Variants in CAMK4 observed in about 807,000 individuals in gnomAD.
The protein encoded by CAMK4 is calcium/calmodulin dependent protein kinase IV, also known as calcium/calmodulin-dependent protein kinase type IV.
Under a neutral mutation model 44.9 loss-of-function variants are expected in CAMK4, and 22 were observed. The ratio of observed to expected loss-of-function variants is 0.49; its 90% confidence interval spans 0.35 to 0.70. The LOEUF is 0.70. Ranked by LOEUF, CAMK4 falls within the 30% of genes least tolerant of loss-of-function variation. The pLI is 0.01. For synonymous variants in CAMK4, 218 were observed against 215.4 expected, an observed-to-expected ratio of 1.01 and a Z score of -0.11; for missense variants, 498 against 586.8, an observed-to-expected ratio of 0.85 and a Z score of 1.56.
Position 111,224,574 on chromosome 5 carries a change from G to C in CAMK4, c.91G>C (p.Asp31His), listed in dbSNP as rs1258844386. Residue 31 changes from aspartate to histidine, a missense_variant, in exon 1 of 11, where the codon GAT becomes CAT. Asp to His is a moderately conservative substitution (Grantham distance 81). This residue lies in a region of CAMK4 where 152 missense variants were observed against 143.7 expected (regional missense o/e 1.06). Coordinates refer to ENST00000282356, the MANE Select transcript of CAMK4 (RefSeq NM_001744.6). This position sits in a 1 kb window ranked among gnomAD's most constrained non-coding sequence, Gnocchi z 5.7. ...AAPGTASLVPDYWIDGSNRDA... is the reference protein window; with the variant it reads ...AAPGTASLVPHYWIDGSNRDA... ...CCCGGGGACCGCGAGCCTCGTCCCG[G>C]ATTACTGGATCGACGGCTCCAACAG... The C allele has an allele frequency of 1.2e-6, 2 of 1,612,374 alleles. No individual in the cohort carries two copies. Among genetic ancestry groups the C allele is most frequent in the African/African-American group, 1.3e-5 (1 of 74,802 alleles).
intron 1 of CAMK4, among the ~76,000 whole-genome samples, chr5:111,334,129 T>C (rs923302643): frequency 2.0e-5 from 3 of 151,590 alleles, no homozygotes; most frequent in Admixed American, 6.6e-5. Flanking sequence ...GTATCATTAG[T>C]ATCATTCCTT....
At chr5:111,395,004 T>A (rs1386218947) in intron 5 of CAMK4, among the ~76,000 whole-genome samples, 3 of 151,462 alleles carry the variant, frequency 2.0e-5, no homozygotes, top group Non-Finnish European at 4.4e-5. Flanking sequence ...AGGTCAGGAG[T>A]TCCAGACCAG....
At chr5:111,343,965 T>C in intron 1 of CAMK4, 59 bp from the exon 2 acceptor site, 1 of 994,542 alleles carries the variant, frequency 1.0e-6, no homozygotes, top group Non-Finnish European at 1.6e-6. Flanking sequence ...TTTTCAAGCT[T>C]TCCCCTTTAA....
intron 1 of CAMK4, among the ~76,000 whole-genome samples, chr5:111,275,688 T>A (rs1449226619): frequency 1.3e-5 from 2 of 152,096 alleles, no homozygotes; most frequent in African/African-American, 4.8e-5. Context: ...TATGGTTAGA[T>A]AGAAGGAAAA....
chr5:111,480,801 T>C (rs1337278508), intron 9 of CAMK4, among the ~76,000 whole-genome samples: 9 of 152,192 alleles, frequency 5.9e-5, no homozygotes, highest in African/African-American at 1.9e-4. Context: ...AGTAATCTTA[T>C]TTAGCCCTCC....
intron 5 of CAMK4, among the ~76,000 whole-genome samples, chr5:111,433,887 T>C (rs952880805): frequency 1.3e-5 from 2 of 152,158 alleles, no homozygotes; most frequent in African/African-American, 4.8e-5. Context: ...CTTAAGCTTA[T>C]AGCTAGTGAT....
At chr5:111,233,044 A>C (rs1748549771) in intron 1 of CAMK4, among the ~76,000 whole-genome samples, 1 of 152,248 alleles carries the variant, frequency 6.6e-6, no homozygotes, top group Admixed American at 6.5e-5. Flanking sequence ...TATAATTTTC[A>C]CATCACAAAA....
At chr5:111,473,428 G>C (rs1320359537) in intron 8 of CAMK4, 42 bp downstream of exon 8, 1 of 1,283,542 alleles carries the variant, frequency 7.8e-7, no homozygotes, top group African/African-American at 1.5e-5. Flanking sequence ...TATTTACCTT[G>C]CTGTGACATT....
intron 1 of CAMK4, among the ~76,000 whole-genome samples, chr5:111,272,397 T>C (rs931481380): frequency 9.9e-5 from 15 of 152,092 alleles, no homozygotes; most frequent in African/African-American, 3.6e-4. Flanking sequence ...CATTTTAATA[T>C]ATATATAAAG....
At chr5:111,403,209 A>G (rs1173419159) in intron 5 of CAMK4, among the ~76,000 whole-genome samples, 1 of 152,180 alleles carries the variant, frequency 6.6e-6, no homozygotes, top group East Asian at 1.9e-4. Context: ...TGAAGGGACA[A>G]TGAAGTTTAA....
At chr5:111,229,308 C>CAG (rs1748349323) in intron 1 of CAMK4, among the ~76,000 whole-genome samples, 2 of 152,160 alleles carry the variant, frequency 1.3e-5, no homozygotes, top group Admixed American at 1.3e-4. Flanking sequence ...CGTCACAAGG[C>CAG]AGAGAGGAAG....
chr5:111,279,447 T>C (rs1348989195), intron 1 of CAMK4, among the ~76,000 whole-genome samples: 1 of 152,178 alleles, frequency 6.6e-6, no homozygotes, highest in Non-Finnish European at 1.5e-5. Flanking sequence ...AGATGCTACA[T>C]ACTCAAAGAT....
intron 5 of CAMK4, among the ~76,000 whole-genome samples, chr5:111,435,140 T>C (rs1485770072): frequency 1.3e-5 from 2 of 152,218 alleles, no homozygotes; most frequent in Non-Finnish European, 2.9e-5. Flanking sequence ...TTTTGGTTAT[T>C]GCATTTTTTT....
chr5:111,455,384 T>C (rs1282560978), intron 7 of CAMK4, among the ~76,000 whole-genome samples: 2 of 152,140 alleles, frequency 1.3e-5, no homozygotes, highest in African/African-American at 4.8e-5. Flanking sequence ...ACCAATTAAT[T>C]CTGTCATAAT....
At chr5:111,404,432 A>G (rs541748020) in intron 5 of CAMK4, among the ~76,000 whole-genome samples, 42 of 152,288 alleles carry the variant, frequency 2.8e-4, no homozygotes, top group African/African-American at 1.0e-3. Context: ...GGGTCAGTTA[A>G]TCAGTGCCTA....
intron 5 of CAMK4, among the ~76,000 whole-genome samples, chr5:111,441,004 TG>T (rs1169440522): frequency 1.3e-5 from 2 of 152,160 alleles, no homozygotes; most frequent in Non-Finnish European, 2.9e-5. Flanking sequence ...ATCTGCAAAG[TG>T]GGCGTTGCAG....
At chr5:111,293,872 G>A (rs1037765788) in intron 1 of CAMK4, among the ~76,000 whole-genome samples, 2 of 145,934 alleles carry the variant, frequency 1.4e-5, no homozygotes, top group Non-Finnish European at 3.0e-5. Flanking sequence ...TCAGCCTCCC[G>A]AGTAGCTGGG....
rs369924993 is a variant in CAMK4, at chr5:111,449,212, T to C, written c.625+9T>C. On this transcript the variant is annotated intron_variant, in intron 7 of 10. Transcript: ENST00000282356. ...AACCCCAGGGTACTGCGGTATGCTC[T>C]TTAATAATTATATTTTACTTTTATT... 39 of 1,277,072 alleles carry C rather than the reference T, an allele frequency of 3.1e-5. No individual in the cohort carries two copies. The highest frequency in any genetic ancestry group is 2.3e-5 in the Non-Finnish European group (21 of 908,026). 79.1% of individuals were successfully genotyped at this position (1,277,072 alleles called of 1,614,324 possible).
At chr5:111,237,512 C>G (rs1325763420) in intron 1 of CAMK4, among the ~76,000 whole-genome samples, 1 of 152,178 alleles carries the variant, frequency 6.6e-6, no homozygotes, top group Non-Finnish European at 1.5e-5. Context: ...TTTGTGCTTT[C>G]TAAATGCATC....
Sources: allele counts gnomAD v4.1 joint callset (sites outside exome capture counted in the v4.1 genomes callset), GRCh38; gene constraint gnomAD v4.1.1; regional missense constraint gnomAD v4.1.1; non-coding constraint Gnocchi (gnomAD v3.1); transcripts MANE v1.5; gene names NCBI Gene and HGNC (gene_info 2026-07-23, HGNC 2026-07-21).